Variants in TXLNA observed in about 807,000 individuals in gnomAD.
TXLNA encodes taxilin alpha, also known as alpha-taxilin.
TXLNA carries 9 observed loss-of-function variants against 61.4 expected under a neutral mutation model. The ratio of observed to expected loss-of-function variants is 0.15; its 90% CI spans 0.09 to 0.26. TXLNA has a LOEUF of 0.26. Ranked by LOEUF, TXLNA falls within the 10% of genes least tolerant of loss-of-function variation. The pLI is 1.00. For missense variants in TXLNA, 565 were observed against 688.8 expected, an observed-to-expected ratio of 0.82 and a Z score of 2.01; for synonymous variants, 257 against 267.7, an observed-to-expected ratio of 0.96 and a Z score of 0.39.
At position 32,190,146 on chromosome 1, in the gene TXLNA, A is replaced by C. The variant is rs1047173864; in HGVS notation, c.860A>C (p.Gln287Pro). 1 of 1,598,798 alleles carries C rather than the reference A, an allele frequency of 6.3e-7. No individual in the cohort carries two copies. Among genetic ancestry groups the C allele is most frequent in the Non-Finnish European group, 8.5e-7 (1 of 1,172,596 alleles). ...FQVTLNDIQLQMEQHNERNSK... is the reference protein window; with the variant it reads ...FQVTLNDIQLPMEQHNERNSK... ...GTGACACTGAATGACATTCAGCTGC[A>C]GATGGAACAGCACAATGAGCGCAAC... The change falls in exon 6 of 11, where the codon CAG becomes CCG. Residue 287 changes from glutamine to proline, a missense_variant. By Grantham distance (76) the Gln-to-Pro change is moderately conservative (BLOSUM62 -1). Coordinates refer to ENST00000373610, the MANE Select transcript of TXLNA (RefSeq NM_175852.4).
At chr1:32,180,290 T>C in intron 1 of TXLNA, 24 bp from the exon 2 acceptor site, 1 of 1,532,904 alleles carries the variant, frequency 6.5e-7, no homozygotes, top group Non-Finnish European at 8.8e-7. Context: ...GTCTGGAAAA[T>C]AGCAACTGTG....
chr1:32,180,236 G>T, intron 1 of TXLNA, 78 bp from the exon 2 acceptor site: 2 of 1,377,594 alleles, frequency 1.5e-6, no homozygotes, highest in Non-Finnish European at 1.9e-6. Context: ...AGCTTTGTGC[G>T]CCTGCTGTGG....
intron 3 of TXLNA, among the ~76,000 whole-genome samples, chr1:32,182,694 C>T (rs930217293): frequency 1.3e-5 from 2 of 150,548 alleles, no homozygotes; most frequent in Non-Finnish European, 3.0e-5. Context: ...GAATCTAAGT[C>T]GAGTGTCATT....
chr1:32,190,994 T>C (rs925777132), intron 6 of TXLNA, among the ~76,000 whole-genome samples: 9 of 150,084 alleles, frequency 6.0e-5, no homozygotes, highest in Non-Finnish European at 2.9e-5. Context: ...CTCAGGAGGC[T>C]GAGGCAGGAG....
Position 32,195,331 on chromosome 1 carries a change from T to C in TXLNA, c.*136T>C, listed in dbSNP as rs1642996081. 8 of 1,070,690 alleles carry C rather than the reference T, an allele frequency of 7.5e-6. No homozygotes were observed. The highest frequency in any genetic ancestry group is 1.6e-5 in the African/African-American group (1 of 62,338). The allele number at this position is 1,070,690 out of a possible 1,614,324, so 66.3% of individuals were successfully genotyped here. On this transcript the variant is annotated 3_prime_UTR_variant, in exon 11 of 11. Coordinates refer to ENST00000373610, the MANE Select transcript of TXLNA (RefSeq NM_175852.4). ...TGGCTGGCATCTGGCACTTGCAATT[T>C]TGGATTTTGTGGGTCAGTTTTACGT...
intron 6 of TXLNA, among the ~76,000 whole-genome samples, chr1:32,191,812 C>G (rs1439221990): frequency 6.6e-6 from 1 of 152,250 alleles, no homozygotes; most frequent in Non-Finnish European, 1.5e-5. Flanking sequence ...CATCCCTTCT[C>G]TCTCACCTGA....
intron 3 of TXLNA, among the ~76,000 whole-genome samples, chr1:32,181,786 G>A (rs915024153): frequency 6.6e-6 from 1 of 152,220 alleles, no homozygotes; most frequent in African/African-American, 2.4e-5. Flanking sequence ...GGGTTTTGGA[G>A]CAACTGGAGC....
chr1:32,183,423 C>CTTTTT (rs1162538631), intron 3 of TXLNA, among the ~76,000 whole-genome samples: 26 of 91,808 alleles, frequency 2.8e-4, no homozygotes, highest in African/African-American at 6.1e-4. Context: ...CGTACCCTGC[C>CTTTTT]TTTTTTTTTT....
At chr1:32,191,499 C>T (rs1202418727) in intron 6 of TXLNA, among the ~76,000 whole-genome samples, 4 of 152,062 alleles carry the variant, frequency 2.6e-5, no homozygotes, top group Non-Finnish European at 5.9e-5. Flanking sequence ...ATAGAGGCTT[C>T]CTGGGCCACT....
At chr1:32,189,995 C>A in intron 5 of TXLNA, 60 bp from the exon 6 acceptor site, 1 of 1,494,302 alleles carries the variant, frequency 6.7e-7, no homozygotes, top group Non-Finnish European at 9.0e-7. Flanking sequence ...TGTGGACTAG[C>A]TGGGGGACCC....
chr1:32,187,192 A>C (rs1309581156), intron 4 of TXLNA, among the ~76,000 whole-genome samples: 5 of 151,632 alleles, frequency 3.3e-5, no homozygotes, highest in Non-Finnish European at 7.4e-5. Flanking sequence ...ATGAGCCACC[A>C]CTCCCGGCCT....
At chr1:32,183,823 G>T (rs1018585499) in intron 3 of TXLNA, among the ~76,000 whole-genome samples, 2 of 150,720 alleles carry the variant, frequency 1.3e-5, no homozygotes, top group African/African-American at 2.4e-5. Context: ...TGCAACCTCC[G>T]CCTCCTGGGT....
In TXLNA at chr1:32,187,959, G is replaced by A. The variant is rs769006517; in HGVS notation, c.603G>A (p.Glu201=). 1.2e-5 allele frequency: 19 copies of A among 1,613,486 alleles called. No homozygotes were observed. The highest frequency in any genetic ancestry group is 1.6e-4 in the Middle Eastern group (1 of 6,076). Residue 201 remains glutamate, a synonymous_variant, in exon 5 of 11, where the codon GAG becomes GAA. Coordinates refer to ENST00000373610, the MANE Select transcript of TXLNA (RefSeq NM_175852.4). ...ALCKKYAELL[E]EHRNSQKQMK... is the part of the protein sequence containing the mutation. ...CTCCCTATCCCTGTCCCCAGCTGGA[G>A]GAGCACCGGAATTCACAGAAGCAGA...
chr1:32,196,102 T>C lies in TXLNA; in HGVS notation c.*907T>C. 1 of 159,256 alleles carries C rather than the reference T, an allele frequency of 6.3e-6. No individual in the cohort carries two copies. The highest frequency in any genetic ancestry group is 1.4e-5 in the Non-Finnish European group (1 of 72,872). 9.9% of individuals were successfully genotyped at this position (159,256 alleles called of 1,614,324 possible). On this transcript the variant is annotated 3_prime_UTR_variant, in exon 11 of 11. Transcript: ENST00000373610. ...GCCTGGCCTCCAGTGTCCCACCTCCTTCACCACCCCACTTGGCTCCTTTGC... is the reference window on the plus strand; with the variant it reads ...GCCTGGCCTCCAGTGTCCCACCTCCCTCACCACCCCACTTGGCTCCTTTGC...
At chr1:32,183,881 C>T (rs1642726492) in intron 3 of TXLNA, among the ~76,000 whole-genome samples, 1 of 151,980 alleles carries the variant, frequency 6.6e-6, no homozygotes, top group Non-Finnish European at 1.5e-5. Flanking sequence ...GGACTACAGG[C>T]GCGTGCCACC....
In TXLNA at chr1:32,181,471, G is replaced by C; in HGVS notation, c.399G>C (p.Lys133Asn). 6.2e-7 allele frequency: 1 copy of C among 1,613,492 alleles called. No homozygotes were observed. The highest frequency in any genetic ancestry group is 8.5e-7 in the Non-Finnish European group (1 of 1,179,736). ...PEPTPVVNGE[K>N]EPSKGDPNTE... The stretch of plus-strand genomic sequence containing the variant: ...CAACTCCAGTAGTCAATGGAGAGAA[G>C]GAACCCTCCAAGGGGGATCCAAACA... Residue 133 changes from lysine to asparagine, a missense_variant, in exon 3 of 11, where the codon AAG (lysine) becomes AAC (asparagine). Physicochemically the swap from Lys to Asn is moderately conservative, Grantham distance 94. Around this residue, in one of 2 missense-constraint regions of TXLNA, gnomAD observed 192 missense variants for 184.8 expected, o/e 1.04. Transcript: ENST00000373610.
chr1:32,187,103 T>C (rs1642802937), intron 4 of TXLNA, among the ~76,000 whole-genome samples: 1 of 152,026 alleles, frequency 6.6e-6, no homozygotes, highest in Non-Finnish European at 1.5e-5. Context: ...GGTTTCACCA[T>C]GTTGGCCAGG....
chr1:32,184,313 G>C (rs1275417265), intron 3 of TXLNA, among the ~76,000 whole-genome samples: 1 of 151,974 alleles, frequency 6.6e-6, no homozygotes, highest in African/African-American at 2.4e-5. Context: ...AGCATTTGTT[G>C]AGCATATCCT....
chr1:32,195,116 C>T lies in TXLNA; in HGVS notation c.1562C>T (p.Ala521Val), dbSNP rs781601693. Residue 521 changes from alanine (A) to valine (V), a missense_variant, in exon 11 of 11, where the codon GCG becomes GTG. Coordinates refer to ENST00000373610, the MANE Select transcript of TXLNA (RefSeq NM_175852.4). Reference protein sequence around the residue: ...QAPSSPRVTEAPCYPGAPSTE... With the variant: ...QAPSSPRVTEVPCYPGAPSTE... ...CCCAGCTCCCCCAGGGTCACAGAAG[C>T]GCCTTGCTACCCAGGAGCACCGAGC... 16 of 1,613,900 alleles carry T rather than the reference C, an allele frequency of 9.9e-6. No homozygotes were observed. The highest frequency in any genetic ancestry group is 6.7e-5 in the East Asian group (3 of 44,878).
Sources: gnomAD v4.1 joint callset for allele counts (sites outside exome capture counted in the v4.1 genomes callset) on GRCh38, gnomAD v4.1.1 for gene constraint, gnomAD v4.1.1 regional missense constraint, MANE v1.5 for transcripts, NCBI Gene and HGNC (gene_info 2026-07-23, HGNC 2026-07-21) for gene names.